Variants in PHACTR2 observed in about 807,000 individuals in gnomAD.
PHACTR2 encodes the protein chromosome 6 open reading frame 56.
PHACTR2 carries 30 observed loss-of-function variants against 76.0 expected under a neutral mutation model. That is an observed-to-expected ratio of 0.39 (90% confidence interval 0.30 to 0.54). PHACTR2 has a LOEUF of 0.54. Among genes scored for constraint, PHACTR2 ranks in the 20% least tolerant of loss-of-function variants. The pLI, the probability that PHACTR2 is intolerant of heterozygous loss-of-function variation, is 0.61. For synonymous variants in PHACTR2, 292 were observed against 292.5 expected, an observed-to-expected ratio of 1.00 and a Z score of 0.02; for missense variants, 696 against 781.1, an observed-to-expected ratio of 0.89 and a Z score of 1.30.
intron 9 of PHACTR2, among the ~76,000 whole-genome samples, chr6:143,781,391 C>T (rs12660418): frequency 0.087 from 13,302 of 152,086 alleles, 724 homozygotes; most frequent in East Asian, 0.22. Flanking sequence ...TATTTAATGA[C>T]GACTGGAGCA....
At chr6:143,674,876 G>T (rs111827212), upstream of PHACTR2, among the ~76,000 whole-genome samples, 4 of 152,340 alleles carry the variant, frequency 2.6e-5, 1 homozygote, top group East Asian at 1.9e-4. The surrounding 1 kb of genome is among the most constrained non-coding windows in gnomAD (Gnocchi z 4.9). Flanking sequence ...GCACCAAGTT[G>T]TATGTCTGCC....
Position 143,678,266 on chromosome 6 carries a change from G to A in PHACTR2, c.46+57G>A, listed in dbSNP as rs1777297774. The A allele has an allele frequency of 2.2e-6, 3 of 1,389,702 alleles. No individual in the cohort carries two copies. The highest frequency in any genetic ancestry group is 7.6e-5 in the Admixed American group (2 of 26,376). 86.1% of individuals were successfully genotyped at this position (1,389,702 alleles called of 1,614,324 possible). A position where few individuals can be genotyped will look rare whatever the true frequency, so the allele number is the denominator to read the frequency against. On this transcript the variant is annotated intron_variant, in intron 1 of 12. Coordinates refer to ENST00000440869, the MANE Select transcript of PHACTR2 (RefSeq NM_001100164.2). This position sits in a 1 kb window ranked among gnomAD's most constrained non-coding sequence, Gnocchi z 6.2. The stretch of plus-strand genomic sequence containing the variant: ...CCGCGCGGGCGCAGGGCTGGCGGCG[G>A]GGCCCCGGGGCAGGCAGGGTTAGTC...
rs1778469101 is a variant in PHACTR2 at position 143,722,670 on chromosome 6, G to A, written c.214+10487G>A. Among the ~76,000 whole-genome samples, 1 of 151,940 alleles carries A rather than the reference G, an allele frequency of 6.6e-6. No individual in the cohort carries two copies. The highest frequency in any genetic ancestry group is 1.5e-5 in the Non-Finnish European group (1 of 67,992). On this transcript the variant is annotated intron_variant, in intron 2 of 12. Transcript: ENST00000440869. This position sits in a 1 kb window ranked among gnomAD's most constrained non-coding sequence, Gnocchi z 4.1. ...TATTTTGAGATATACAATATTGTTA[G>A]CTATAGTCACCCCATTGTGCTACTG...
chr6:143,557,797 G>A lies in PHACTR2; in HGVS notation c.217+20590G>A, dbSNP rs1329304388. 1 of 152,180 alleles carries A rather than the reference G, an allele frequency of 6.6e-6. No individual in the cohort carries two copies. Among genetic ancestry groups the A allele is most frequent in the African/African-American group, 2.4e-5 (1 of 41,424 alleles). 9.4% of individuals were successfully genotyped at this position (152,180 alleles called of 1,614,324 possible). A position where few individuals can be genotyped will look rare whatever the true frequency, so the allele number is the denominator to read the frequency against. On this transcript the variant is annotated intron_variant, in intron 1 of 11. Transcript: ENST00000367584. The surrounding 1 kb of genome is among the most constrained non-coding windows in gnomAD (Gnocchi z 5.5). ...CCTGAACCCCAATAGAAATGTAAAAGTTGACACCTTGTCAGTGGGAAGCGA... is the reference window on the plus strand; with the variant it reads ...CCTGAACCCCAATAGAAATGTAAAAATTGACACCTTGTCAGTGGGAAGCGA...
rs1412216125 is a variant in PHACTR2, at chr6:143,641,366, T to A, written c.13+33044T>A. On this transcript the variant is annotated intron_variant, in intron 1 of 11. Transcript: ENST00000305766. This position sits in a 1 kb window ranked among gnomAD's most constrained non-coding sequence, Gnocchi z 5.8. ...CCATAAGTCAAGGAATGCCTGGAGC[T>A]TCCAGAAGCTGGAGGAGGAAAGGAA... 6.6e-6 allele frequency among the ~76,000 whole-genome samples: 1 copy of A among 152,140 alleles called. No individual in the cohort carries two copies. The highest frequency in any genetic ancestry group is 1.5e-5 in the Non-Finnish European group (1 of 68,010).
At chr6:143,814,626 G>C (rs911603733) in intron 12 of PHACTR2, among the ~76,000 whole-genome samples, 3 of 139,248 alleles carry the variant, frequency 2.2e-5, no homozygotes, top group African/African-American at 8.4e-5. Context: ...TTTTTAAGAC[G>C]GAGTCTCGCT....
intron 4 of PHACTR2, among the ~76,000 whole-genome samples, chr6:143,758,497 A>T (rs1779357302): frequency 1.3e-5 from 2 of 152,246 alleles, no homozygotes; most frequent in African/African-American, 4.8e-5. Context: ...TAAATTTTAT[A>T]GGTGTGTATC....
chr6:143,826,747 G>A lies in PHACTR2; in HGVS notation c.*3058G>A, dbSNP rs1290088759. ...TGCCTGATAATTTCCTGTGTTATGTGAAGTGTCTTGCACTTTCACATGTTA... is the reference window on the plus strand; with the variant it reads ...TGCCTGATAATTTCCTGTGTTATGTAAAGTGTCTTGCACTTTCACATGTTA... On this transcript the variant is annotated 3_prime_UTR_variant, in exon 13 of 13. Transcript: ENST00000440869. The A allele has an allele frequency of 6.6e-6, 1 of 152,248 alleles. No homozygotes were observed. The allele number at this position is 152,248 out of a possible 1,614,324, so 9.4% of individuals were successfully genotyped here.
chr6:143,737,328 G>A (rs1582826086), intron 2 of PHACTR2, among the ~76,000 whole-genome samples: 1 of 151,634 alleles, frequency 6.6e-6, no homozygotes, highest in African/African-American at 2.4e-5. Context: ...GAGTGATGGT[G>A]TCTCACTGTA....
At chr6:143,609,539 T>G (rs1175201985) in intron 1 of PHACTR2, among the ~76,000 whole-genome samples, 1 of 151,872 alleles carries the variant, frequency 6.6e-6, no homozygotes, top group Non-Finnish European at 1.5e-5. Flanking sequence ...TTAAAAAAAA[T>G]GTACTATAGG....
At chr6:143,703,729 C>T (rs1777971148) in intron 1 of PHACTR2, among the ~76,000 whole-genome samples, 1 of 152,012 alleles carries the variant, frequency 6.6e-6, no homozygotes, top group African/African-American at 2.4e-5. Context: ...TTAAAGGAAC[C>T]ATCAGCTGAT....
Position 143,596,269 on chromosome 6 carries a change from T to G in PHACTR2, c.217+59062T>G, listed in dbSNP as rs899399305. 4.6e-5 allele frequency among the ~76,000 whole-genome samples: 7 copies of G among 152,100 alleles called. No homozygotes were observed. Among genetic ancestry groups the G allele is most frequent in the Non-Finnish European group, 8.8e-5 (6 of 68,020 alleles). On this transcript the variant is annotated intron_variant, in intron 1 of 11. Transcript: ENST00000367584. The surrounding 1 kb of genome is among the most constrained non-coding windows in gnomAD (Gnocchi z 4.6). ...TATTCCTCTAGGTCTTCATTTGGTG[T>G]CTTTTTAGCGTATGTTCTGTTTTCC...
At chr6:143,810,699 G>A (rs1005357084) in intron 12 of PHACTR2, 10 of 317,938 alleles carry the variant, frequency 3.1e-5, no homozygotes, top group African/African-American at 2.2e-4. Flanking sequence ...TAGCATGGTG[G>A]CACTTGCATG....
intron 1 of PHACTR2, among the ~76,000 whole-genome samples, chr6:143,635,503 A>G (rs1351049567): frequency 6.6e-6 from 1 of 152,220 alleles, no homozygotes; most frequent in East Asian, 1.9e-4. Context: ...TTCCTTCTAA[A>G]TGTTTCTAAC....
rs1430276896 is a variant in PHACTR2 at position 143,774,795 on chromosome 6, C to T, written c.1589+580C>T. On this transcript the variant is annotated intron_variant, in intron 8 of 12. Coordinates refer to ENST00000440869, the MANE Select transcript of PHACTR2 (RefSeq NM_001100164.2). The surrounding 1 kb of genome is among the most constrained non-coding windows in gnomAD (Gnocchi z 5.4). ...TCATATCTGAACATCCCTCTTCCAA[C>T]TTCAAGTAAATGGATCATCTGACAT... is the stretch of plus-strand genomic sequence containing the variant. 6.6e-6 allele frequency among the ~76,000 whole-genome samples: 1 copy of T among 152,224 alleles called. No individual in the cohort carries two copies. The highest frequency in any genetic ancestry group is 2.4e-5 in the African/African-American group (1 of 41,462).
intron 1 of PHACTR2, among the ~76,000 whole-genome samples, chr6:143,545,595 A>G (rs757363904): frequency 3.9e-5 from 6 of 152,214 alleles, no homozygotes; most frequent in Admixed American, 1.3e-4. Flanking sequence ...TGGTTTCAGA[A>G]GAGTGGAGTA....
At position 143,618,286 on chromosome 6, in the gene PHACTR2, C is replaced by CACAT. The variant is rs372712478; in HGVS notation, c.13+9964_13+9965insACAT. 9.7e-6 allele frequency among the ~76,000 whole-genome samples: 1 copy of CACAT among 102,724 alleles called. No homozygotes were observed. The highest frequency in any genetic ancestry group is 2.9e-5 in the African/African-American group (1 of 34,732). The allele number at this position is 102,724 out of a possible 152,430, so 67.4% of individuals were successfully genotyped here. On this transcript the variant is annotated intron_variant, in intron 1 of 11. Coordinates refer to the PHACTR2 transcript ENST00000305766. This position sits in a 1 kb window ranked among gnomAD's most constrained non-coding sequence, Gnocchi z 5.2. ...ACACACACACACACACACACACACA[C>CACAT]GCACACTCCAGAATGAGTTTCAGAT... is the stretch of plus-strand genomic sequence containing the variant.
At chr6:143,728,122 A>G (rs957482334) in intron 2 of PHACTR2, among the ~76,000 whole-genome samples, 1 of 152,144 alleles carries the variant, frequency 6.6e-6, no homozygotes, top group African/African-American at 2.4e-5. Flanking sequence ...TACAAAATCA[A>G]CATAAAAATC....
At position 143,678,367 on chromosome 6, in the gene PHACTR2, C is replaced by G. The variant is rs370370390; in HGVS notation, c.46+158C>G. Among the ~76,000 whole-genome samples, 10 of 152,286 alleles carry G rather than the reference C, an allele frequency of 6.6e-5. No individual in the cohort carries two copies. The highest frequency in any genetic ancestry group is 1.9e-4 in the African/African-American group (8 of 41,578). ...AGGTAGCGCTCGCCAAACTCTTTGT[C>G]GTGAAAGAGGAATGCCTTTTGGGAT... On this transcript the variant is annotated intron_variant, in intron 1 of 12. Transcript: ENST00000440869. This position sits in a 1 kb window ranked among gnomAD's most constrained non-coding sequence, Gnocchi z 6.2.
Sources: allele counts gnomAD v4.1 joint callset (sites outside exome capture counted in the v4.1 genomes callset), GRCh38; gene constraint gnomAD v4.1.1; non-coding constraint Gnocchi (gnomAD v3.1); transcripts MANE v1.5; gene names NCBI Gene and HGNC (gene_info 2026-07-23, HGNC 2026-07-21).